Variants in SMAD1 observed in about 807,000 individuals in gnomAD.
SMAD1 encodes the protein MAD, mothers against decapentaplegic homolog 1.
In SMAD1, 6 loss-of-function variants were observed where a neutral mutation model predicts 41.6. The ratio of observed to expected loss-of-function variants is 0.14; its 90% CI spans 0.08 to 0.28. The LOEUF is 0.28. Ranked by LOEUF, SMAD1 falls within the 10% of genes least tolerant of loss-of-function variation. SMAD1 has a pLI of 1.00. For missense variants in SMAD1, 379 were observed against 582.6 expected (o/e 0.65, Z 3.60); for synonymous variants, 206 against 203.2 (o/e 1.01, Z -0.12).
intron 6 of SMAD1, 43 bp downstream of exon 6, chr4:145,554,083 T>C (rs761872386): frequency 3.3e-6 from 5 of 1,530,302 alleles, no homozygotes; most frequent in East Asian, 2.3e-5. Context: ...TAACATACTT[T>C]TGCTGTGCTT....
chr4:145,548,280 G>A (rs1732364275), intron 5 of SMAD1, among the ~76,000 whole-genome samples: 2 of 151,680 alleles, frequency 1.3e-5, no homozygotes, highest in Admixed American at 6.6e-5. Flanking sequence ...CCAGGCTGGA[G>A]TCCAGTGGTG....
In SMAD1 at chr4:145,488,343, T is replaced by C. The variant is rs1044759434; in HGVS notation, c.-177+6305T>C. On this transcript the variant is annotated intron_variant, in intron 1 of 6. Transcript: ENST00000302085. ...TTGATTCAGAATATATTTTTATACATAAGTTTTAATGCTTTATTTGTAGTT... is the reference window on the plus strand; with the variant it reads ...TTGATTCAGAATATATTTTTATACACAAGTTTTAATGCTTTATTTGTAGTT... Among the ~76,000 whole-genome samples the C allele has an allele frequency of 2.0e-5, 3 of 152,130 alleles. No individual in the cohort carries two copies. The Middle Eastern group carries it at 0.01, about 517-fold the overall frequency.
At chr4:145,524,409 A>G (rs1730920308) in intron 2 of SMAD1, among the ~76,000 whole-genome samples, 1 of 152,090 alleles carries the variant, frequency 6.6e-6, no homozygotes. Flanking sequence ...ATACTGTTTC[A>G]GCCATTACTG....
At chr4:145,522,873 T>G (rs1019371285) in intron 2 of SMAD1, among the ~76,000 whole-genome samples, 1 of 151,648 alleles carries the variant, frequency 6.6e-6, no homozygotes, top group African/African-American at 2.4e-5. Context: ...AGAGACGGGG[T>G]TTCTCCATAT....
upstream of SMAD1, among the ~76,000 whole-genome samples, chr4:145,480,890 A>G (rs116683853): frequency 3.9e-3 from 587 of 151,126 alleles, 3 homozygotes; most frequent in African/African-American, 0.014. Context: ...ATTAGAAGAC[A>G]TATTCTGATA....
chr4:145,514,844 C>G lies in SMAD1; in HGVS notation c.231C>G (p.Val77=), dbSNP rs763918733. ...GCTCTCTGGATGGCAGGCTGCAAGT[C>G]TCCCACCGGAAGGGACTGCCTCATG... ...IPRSLDGRLQ[V]SHRKGLPHVI... is the part of the protein sequence containing the mutation. Residue 77 remains valine, a synonymous_variant, in exon 2 of 7, where the codon GTC becomes GTG. Coordinates refer to ENST00000302085, the MANE Select transcript of SMAD1 (RefSeq NM_005900.3). The surrounding 1 kb of genome is among the most constrained non-coding windows in gnomAD (Gnocchi z 4.7). 1 of 1,614,134 alleles carries G rather than the reference C, an allele frequency of 6.2e-7. No individual in the cohort carries two copies. The highest frequency in any genetic ancestry group is 8.5e-7 in the Non-Finnish European group (1 of 1,180,010).
chr4:145,548,944 T>G (rs188846517), intron 5 of SMAD1, among the ~76,000 whole-genome samples: 1 of 152,236 alleles, frequency 6.6e-6, no homozygotes, highest in African/African-American at 2.4e-5. Context: ...CCTCCAGATG[T>G]CATACCCTGA....
chr4:145,508,497 A>G (rs1315387485), intron 1 of SMAD1, among the ~76,000 whole-genome samples: 1 of 151,942 alleles, frequency 6.6e-6, no homozygotes, highest in African/African-American at 2.4e-5. Flanking sequence ...ATACTAAGGT[A>G]TTGTTGCTAA....
At chr4:145,499,109 C>T (rs992449718) in intron 1 of SMAD1, among the ~76,000 whole-genome samples, 2 of 152,202 alleles carry the variant, frequency 1.3e-5, no homozygotes, top group Non-Finnish European at 2.9e-5. Context: ...TTTTCTGCCC[C>T]ATTGCCCATA....
intron 2 of SMAD1, among the ~76,000 whole-genome samples, chr4:145,529,518 A>G (rs1578797159): frequency 6.6e-6 from 1 of 152,250 alleles, no homozygotes; most frequent in South Asian, 2.1e-4. Flanking sequence ...CATACAGCTA[A>G]GACCGTGGGC....
At position 145,558,330 on chromosome 4, in the gene SMAD1, G is replaced by T. The variant is rs1295744039; in HGVS notation, c.*396G>T. Among the ~76,000 whole-genome samples the T allele has an allele frequency of 6.6e-6, 1 of 152,142 alleles. No individual in the cohort carries two copies. Among genetic ancestry groups the T allele is most frequent in the African/African-American group, 2.4e-5 (1 of 41,430 alleles). On this transcript the variant is annotated 3_prime_UTR_variant, in exon 7 of 7. Coordinates refer to ENST00000302085, the MANE Select transcript of SMAD1 (RefSeq NM_005900.3). Reference sequence around the variant, plus strand: ...GAAGTTTAGCATTAATAGTTGTTCTGAAACGTGTTTTATCAGGTTTAGAGC... The same window carrying T: ...GAAGTTTAGCATTAATAGTTGTTCTTAAACGTGTTTTATCAGGTTTAGAGC...
rs1553945844 is a variant in SMAD1 at position 145,515,164 on chromosome 4, G to GTGTGTT, written c.400+156_400+157insTTGTGT. ...TGTGTGTGTGTGTGTGTGTGTGTGT[G>GTGTGTT]TGTGTGTGTGTGTCTGTGTGAATGC... On this transcript the variant is annotated intron_variant, in intron 2 of 6. Coordinates refer to ENST00000302085, the MANE Select transcript of SMAD1 (RefSeq NM_005900.3). 2.2e-4 allele frequency: 157 copies of GTGTGTT among 724,906 alleles called. No individual in the cohort carries two copies. In the African/African-American group the frequency reaches 2.7e-3, roughly 12 times the overall value. The allele number at this position is 724,906 out of a possible 1,614,324, so 44.9% of individuals were successfully genotyped here. A position where few individuals can be genotyped will look rare whatever the true frequency, so the allele number is the denominator to read the frequency against.
At chr4:145,492,013 A>T (rs181500899) in intron 1 of SMAD1, among the ~76,000 whole-genome samples, 63 of 145,382 alleles carry the variant, frequency 4.3e-4, no homozygotes, top group African/African-American at 9.1e-4. Flanking sequence ...TATAATGTTT[A>T]AAAAAAATGT....
chr4:145,513,628 A>G (rs1419477682), intron 1 of SMAD1, among the ~76,000 whole-genome samples: 1 of 152,240 alleles, frequency 6.6e-6, no homozygotes, highest in Non-Finnish European at 1.5e-5. Context: ...TACTACATTT[A>G]TATAAGAGGA....
At chr4:145,530,606 C>T (rs1356798328) in intron 2 of SMAD1, among the ~76,000 whole-genome samples, 1 of 152,038 alleles carries the variant, frequency 6.6e-6, no homozygotes, top group East Asian at 1.9e-4. Context: ...ATTCATTTAT[C>T]TATGTCAAAT....
chr4:145,512,485 A>C (rs1221288422), intron 1 of SMAD1, among the ~76,000 whole-genome samples: 1 of 152,054 alleles, frequency 6.6e-6, no homozygotes, highest in Non-Finnish European at 1.5e-5. Context: ...CCTGCTCACT[A>C]ATCTTTTATT....
chr4:145,489,686 G>A (rs989927216), intron 1 of SMAD1, among the ~76,000 whole-genome samples: 3 of 152,154 alleles, frequency 2.0e-5, no homozygotes, highest in African/African-American at 7.2e-5. Context: ...TTAAATTTAA[G>A]GTGCGATATC....
At chr4:145,529,639 C>T (rs1731217664) in intron 2 of SMAD1, among the ~76,000 whole-genome samples, 1 of 152,200 alleles carries the variant, frequency 6.6e-6, no homozygotes, top group Non-Finnish European at 1.5e-5. Context: ...CAGCCTTTTC[C>T]ATGTCATTTG....
Position 145,558,734 on chromosome 4 carries a change from C to CTG in SMAD1, c.*801_*802insGT, listed in dbSNP as rs200711454. 0.048 allele frequency among the ~76,000 whole-genome samples: 5,365 copies of CTG among 110,750 alleles called. 147 individuals carry two copies. Among genetic ancestry groups the CTG allele is most frequent in the Middle Eastern group, 0.086 (23 of 266 alleles). The allele number at this position is 110,750 out of a possible 152,430, so 72.7% of individuals were successfully genotyped here. On this transcript the variant is annotated 3_prime_UTR_variant, in exon 7 of 7. Coordinates refer to ENST00000302085, the MANE Select transcript of SMAD1 (RefSeq NM_005900.3). ...TTTTAGAGATTTTTATCATTTTTTT[C>CTG]TCTCTCGGCATTCTTTTTTCTCATA...
Sources: allele counts gnomAD v4.1 joint callset (sites outside exome capture counted in the v4.1 genomes callset), GRCh38; gene constraint gnomAD v4.1.1; non-coding constraint Gnocchi (gnomAD v3.1); transcripts MANE v1.5; gene names NCBI Gene and HGNC (gene_info 2026-07-23, HGNC 2026-07-21).